The following INTU variants were observed in gnomAD, a reference collection of about 807,000 sequenced individuals.
INTU encodes inturned planar cell polarity protein, also known as protein inturned.
In INTU, 68 loss-of-function variants were observed where a neutral mutation model predicts 100.5. That is an observed-to-expected ratio of 0.68 (90% CI 0.56 to 0.83). The LOEUF (loss-of-function observed/expected upper bound fraction) is 0.83, where lower values mean the gene tolerates loss of function less well. Among genes scored for constraint, INTU ranks in the 40% least tolerant of loss-of-function variants. The probability of loss-of-function intolerance (pLI) is 0.00; values close to 1 mark genes in which losing one functional copy is unlikely to be tolerated. For synonymous variants in INTU, 357 were observed against 395.7 expected (o/e 0.90, Z 1.16); for missense variants, 1,071 against 1,114.7 (o/e 0.96, Z 0.56).
intron 13 of INTU, among the ~76,000 whole-genome samples, chr4:127,709,340 C>T (rs1191007121): frequency 2.0e-5 from 3 of 151,276 alleles, no homozygotes; most frequent in Admixed American, 6.7e-5. Flanking sequence ...TACACCCCTA[C>T]AGCTGTTTTT....
Position 127,719,959 on chromosome 4 carries a change from T to G in INTU, c.*3523T>G, listed in dbSNP as rs966538696. ...CTGGATTCATTTATTTTTTGAAGGG[T>G]TTTTCATGTCTCTAGCTCCTTCATT... On this transcript the variant is annotated 3_prime_UTR_variant, in exon 16 of 16. Transcript: ENST00000335251. 6.6e-6 allele frequency: 1 copy of G among 152,130 alleles called. No individual in the cohort carries two copies. The highest frequency in any genetic ancestry group is 2.4e-5 in the African/African-American group (1 of 41,514). The allele number at this position is 152,130 out of a possible 1,614,324, so 9.4% of individuals were successfully genotyped here.
chr4:127,636,543 C>T (rs925570193), intron 1 of INTU, among the ~76,000 whole-genome samples: 11 of 146,364 alleles, frequency 7.5e-5, no homozygotes, highest in African/African-American at 2.0e-4. Flanking sequence ...ACACAGAAGG[C>T]GGAGGTTGCA....
chr4:127,652,402 C>A (rs1433364023), intron 2 of INTU, among the ~76,000 whole-genome samples: 6 of 145,816 alleles, frequency 4.1e-5, no homozygotes, highest in Non-Finnish European at 7.5e-5. Context: ...CCCATCAATA[C>A]CTAATTTATT....
intron 3 of INTU, among the ~76,000 whole-genome samples, chr4:127,657,465 C>T (rs1426113786): frequency 6.6e-6 from 1 of 151,956 alleles, no homozygotes; most frequent in Non-Finnish European, 1.5e-5. Context: ...GTCCCCAAAC[C>T]CTGGGCCACG....
intron 5 of INTU, 79 bp from the exon 6 acceptor site, chr4:127,674,045 C>T (rs901543401): frequency 3.5e-6 from 3 of 852,636 alleles, no homozygotes; most frequent in African/African-American, 1.7e-5. Flanking sequence ...ATACCATATG[C>T]AATCTTTTAT....
At chr4:127,693,749 G>A (rs1436277504) in intron 8 of INTU, among the ~76,000 whole-genome samples, 1 of 151,878 alleles carries the variant, frequency 6.6e-6, no homozygotes, top group African/African-American at 2.4e-5. Flanking sequence ...TATGTCCCTT[G>A]TATGCTGATT....
chr4:127,651,474 G>A (rs1033608338), intron 2 of INTU, among the ~76,000 whole-genome samples: 4 of 152,168 alleles, frequency 2.6e-5, no homozygotes, highest in African/African-American at 9.7e-5. Context: ...ATTAAATAGG[G>A]AATCCTTTCC....
rs1303477359 is a variant in INTU, at chr4:127,720,115, T to G, written c.*3679T>G. The G allele has an allele frequency of 1.3e-5, 2 of 152,166 alleles. No homozygotes were observed. The highest frequency in any genetic ancestry group is 4.8e-5 in the African/African-American group (2 of 41,440). The allele number at this position is 152,166 out of a possible 1,614,324, so 9.4% of individuals were successfully genotyped here. A position where few individuals can be genotyped will look rare whatever the true frequency, so the allele number is the denominator to read the frequency against. The stretch of plus-strand genomic sequence containing the variant: ...CTTTCTAGCTTTTTGATGTGGGCAT[T>G]TAGTGCTATAAATTTCCCTCTTAAC... On this transcript the variant is annotated 3_prime_UTR_variant, in exon 16 of 16. Transcript: ENST00000335251.
intron 10 of INTU, among the ~76,000 whole-genome samples, chr4:127,704,611 A>T (rs1460662625): frequency 6.6e-6 from 1 of 152,186 alleles, no homozygotes; most frequent in Non-Finnish European, 1.5e-5. Flanking sequence ...AGACCTTAAA[A>T]CAAGATTTGC....
chr4:127,691,980 A>ATATATGTGTG, intron 8 of INTU, among the ~76,000 whole-genome samples: 1 of 143,414 alleles, frequency 7.0e-6, no homozygotes, highest in African/African-American at 2.6e-5. Flanking sequence ...ATATATATAT[A>ATATATGTGTG]TGTCACATTT....
chr4:127,662,668 A>G (rs1439439747), intron 3 of INTU, among the ~76,000 whole-genome samples: 1 of 152,180 alleles, frequency 6.6e-6, no homozygotes, highest in Admixed American at 6.5e-5. Context: ...GCCACAGACC[A>G]GTACCAGAAC....
At chr4:127,658,527 T>C (rs754319660) in intron 3 of INTU, among the ~76,000 whole-genome samples, 4 of 152,196 alleles carry the variant, frequency 2.6e-5, no homozygotes, top group Non-Finnish European at 4.4e-5. Flanking sequence ...GACAAGTGAG[T>C]CAGCTTCCCC....
At chr4:127,688,613 A>G (rs946754248) in intron 8 of INTU, among the ~76,000 whole-genome samples, 1 of 152,218 alleles carries the variant, frequency 6.6e-6, no homozygotes, top group Non-Finnish European at 1.5e-5. Context: ...TCTACAATGT[A>G]TGATCAAATA....
chr4:127,638,555 C>T (rs1226520322), intron 1 of INTU, among the ~76,000 whole-genome samples: 1 of 152,026 alleles, frequency 6.6e-6, no homozygotes, highest in Non-Finnish European at 1.5e-5. Flanking sequence ...GTAGTGTTGA[C>T]CTAGATATTT....
In INTU at chr4:127,716,613, A is replaced by T; in HGVS notation, c.*177A>T. On this transcript the variant is annotated 3_prime_UTR_variant, in exon 16 of 16. Coordinates refer to ENST00000335251, the MANE Select transcript of INTU (RefSeq NM_015693.4). ...GATTTGATACATTAAATCTTAATGTAATATTGTAAGACTTTTGAGAATATA... is the reference window on the plus strand; with the variant it reads ...GATTTGATACATTAAATCTTAATGTTATATTGTAAGACTTTTGAGAATATA... 2.8e-6 allele frequency: 1 copy of T among 363,514 alleles called. No individual in the cohort carries two copies. Among genetic ancestry groups the T allele is most frequent in the South Asian group, 1.3e-4 (1 of 7,772 alleles). The allele number at this position is 363,514 out of a possible 1,614,324, so 22.5% of individuals were successfully genotyped here.
At chr4:127,710,337 A>C (rs1731047748) in intron 13 of INTU, among the ~76,000 whole-genome samples, 1 of 151,928 alleles carries the variant, frequency 6.6e-6, no homozygotes, top group African/African-American at 2.4e-5. Context: ...TCTTTGTAAA[A>C]TACAATATAT....
intron 15 of INTU, among the ~76,000 whole-genome samples, chr4:127,715,259 C>G (rs969509448): frequency 6.6e-6 from 1 of 152,054 alleles, no homozygotes; most frequent in Admixed American, 6.6e-5. Context: ...AAGTTAGGAC[C>G]ACTGCAGAAG....
chr4:127,705,756 A>G lies in INTU; in HGVS notation c.1732A>G (p.Ser578Gly). Residue 578 changes from serine to glycine, a missense_variant, in exon 11 of 16, where the codon AGC becomes GGC. Ser to Gly is a moderately conservative substitution (Grantham distance 56). Coordinates refer to ENST00000335251, the MANE Select transcript of INTU (RefSeq NM_015693.4). ...TCACCTCCGACCTTTGGCAGACTCA[A>G]GCACTGAAGTCTTTCCGGAACCTGA... ...QHHLRPLADSSTEVFPEPEGR... is the reference protein window; with the variant it reads ...QHHLRPLADSGTEVFPEPEGR... 6.2e-7 allele frequency: 1 copy of G among 1,614,080 alleles called. No homozygotes were observed.
chr4:127,681,615 A>T (rs1250702892), intron 6 of INTU, among the ~76,000 whole-genome samples: 1 of 152,240 alleles, frequency 6.6e-6, no homozygotes, highest in African/African-American at 2.4e-5. Context: ...AGATGGATTA[A>T]AGACTTAAAC....
Sources: gnomAD v4.1 joint callset for allele counts (sites outside exome capture counted in the v4.1 genomes callset) on GRCh38, gnomAD v4.1.1 for gene constraint, MANE v1.5 for transcripts, NCBI Gene and HGNC (gene_info 2026-07-23, HGNC 2026-07-21) for gene names.